The following RFTN1 variants were observed in gnomAD, a reference collection of about 807,000 sequenced individuals.
RFTN1 encodes the protein raftlin.
Under a neutral mutation model 46.5 loss-of-function variants are expected in RFTN1, and 26 were observed. The observed-to-expected ratio is 0.56, with a 90% CI of 0.41 to 0.78. RFTN1 has a LOEUF of 0.78. RFTN1 is among the 30% of genes least tolerant of loss of function. The pLI is 0.00. For missense variants in RFTN1, 693 were observed against 718.7 expected (o/e 0.96, Z 0.41); for synonymous variants, 261 against 284.2 (o/e 0.92, Z 0.82).
Position 16,383,351 on chromosome 3 carries a change from C to T in RFTN1, c.442-5249G>A, listed in dbSNP as rs1399202483. 1.3e-5 allele frequency among the ~76,000 whole-genome samples: 2 copies of T among 152,192 alleles called. No individual in the cohort carries two copies. ...AAAGAGTAACAATTTCTGGTTGAGG[C>T]ACTGAAAATTAAACATGGCTGTTTT... On this transcript the variant is annotated intron_variant, in intron 4 of 9. Coordinates refer to ENST00000334133, the MANE Select transcript of RFTN1 (RefSeq NM_015150.2). This position sits in a 1 kb window ranked among gnomAD's most constrained non-coding sequence, Gnocchi z 4.0.
At chr3:16,357,283 C>T (rs1177204836) in intron 7 of RFTN1, among the ~76,000 whole-genome samples, 2 of 152,144 alleles carry the variant, frequency 1.3e-5, no homozygotes, top group Admixed American at 6.5e-5. Flanking sequence ...TTCAGCTACC[C>T]ACTAGTGAAT....
At chr3:16,472,898 C>T (rs2076222012) in intron 2 of RFTN1, among the ~76,000 whole-genome samples, 1 of 152,162 alleles carries the variant, frequency 6.6e-6, no homozygotes, top group Admixed American at 6.5e-5. Context: ...TGGATTCTTC[C>T]AGGGGCTGGC....
intron 2 of RFTN1, among the ~76,000 whole-genome samples, chr3:16,469,627 G>A (rs1447935059): frequency 3.3e-5 from 5 of 152,244 alleles, no homozygotes; most frequent in South Asian, 2.1e-4. Flanking sequence ...TCCACAGAGG[G>A]AAGGGGGGAA....
chr3:16,326,774 TG>T lies in RFTN1; in HGVS notation c.1248del (p.Ser417AlafsTer43). On this transcript the variant is annotated frameshift_variant and splice_region_variant, in exon 8 of 10. Coordinates refer to ENST00000334133, the MANE Select transcript of RFTN1 (RefSeq NM_015150.2). LOFTEE classifies it high-confidence loss of function. ...CVLPTPVVKT[T>X]SEGSVSTKQI... ...CCTAATGATTACTGTTATTGTTACC[TG>T]GTAGTCTTGACGACGGGAGTTGGTA... The T allele has an allele frequency of 1.2e-6, 2 of 1,612,250 alleles. No homozygotes were observed. Among genetic ancestry groups the T allele is most frequent in the South Asian group, 1.1e-5 (1 of 91,030 alleles).
intron 5 of RFTN1, among the ~76,000 whole-genome samples, chr3:16,375,634 G>C (rs552784767): frequency 6.6e-6 from 1 of 152,150 alleles, no homozygotes; most frequent in South Asian, 2.1e-4. Flanking sequence ...TCAGAGATTC[G>C]CAGCCTGAGC....
At chr3:16,349,513 A>C (rs1233493952) in intron 7 of RFTN1, 2 of 152,276 alleles carry the variant, frequency 1.3e-5, no homozygotes, top group Admixed American at 1.3e-4. Context: ...CTAGAATGAG[A>C]TGAGGTATGT....
At position 16,509,988 on chromosome 3, in the gene RFTN1, T is replaced by G. The variant is rs2076870073; in HGVS notation, c.-9+3454A>C. 6.6e-6 allele frequency among the ~76,000 whole-genome samples: 1 copy of G among 152,130 alleles called. No individual in the cohort carries two copies. Among genetic ancestry groups the G allele is most frequent in the African/African-American group, 2.4e-5 (1 of 41,418 alleles). On this transcript the variant is annotated intron_variant, in intron 1 of 9. Coordinates refer to ENST00000334133, the MANE Select transcript of RFTN1 (RefSeq NM_015150.2). This position sits in a 1 kb window ranked among gnomAD's most constrained non-coding sequence, Gnocchi z 4.9. ...TGGGGTCCCACTCAGACAGAAAAGT[T>G]CACTTCCCGTTTCCTAGATCAGCCA...
rs2075014584 is a variant in RFTN1 at position 16,413,583 on chromosome 3, G to C, written c.333-4100C>G. ...ATGACTTCCACTTTTGGAAAGGACA[G>C]AGAGATCTGGTTTTAAACAGTAAGA... is the stretch of plus-strand genomic sequence containing the variant. On this transcript the variant is annotated intron_variant, in intron 3 of 9. Transcript: ENST00000334133. The surrounding 1 kb of genome is among the most constrained non-coding windows in gnomAD (Gnocchi z 4.7). 6.6e-6 allele frequency among the ~76,000 whole-genome samples: 1 copy of C among 152,358 alleles called. No individual in the cohort carries two copies. The highest frequency in any genetic ancestry group is 2.4e-5 in the African/African-American group (1 of 41,582).
In RFTN1 at chr3:16,341,275, C is replaced by T. The variant is rs2071301510; in HGVS notation, c.1147-14399G>A. On this transcript the variant is annotated intron_variant, in intron 7 of 9. Coordinates refer to ENST00000334133, the MANE Select transcript of RFTN1 (RefSeq NM_015150.2). This position sits in a 1 kb window ranked among gnomAD's most constrained non-coding sequence, Gnocchi z 4.7. ...TTCTTACAAAACTAGACATACTTTA[C>T]AATATGATCCAGCAATCATACTCCT... Among the ~76,000 whole-genome samples the T allele has an allele frequency of 6.6e-6, 1 of 152,208 alleles. No homozygotes were observed. Among genetic ancestry groups the T allele is most frequent in the Non-Finnish European group, 1.5e-5 (1 of 68,038 alleles).
rs1271622601 is a variant in RFTN1 at position 16,361,174 on chromosome 3, C to T, written c.1031-3127G>A. 6.6e-6 allele frequency among the ~76,000 whole-genome samples: 1 copy of T among 152,116 alleles called. No homozygotes were observed. Among genetic ancestry groups the T allele is most frequent in the East Asian group, 1.9e-4 (1 of 5,188 alleles). Reference sequence around the variant, plus strand: ...TATGGGGAGATGATTTTAGTGTAATCTAAATAGAAAAACTTCCCTTAGAGG... The same window carrying T: ...TATGGGGAGATGATTTTAGTGTAATTTAAATAGAAAAACTTCCCTTAGAGG... On this transcript the variant is annotated intron_variant, in intron 6 of 9. Transcript: ENST00000334133. The surrounding 1 kb of genome is among the most constrained non-coding windows in gnomAD (Gnocchi z 4.3).
rs891501830 is a variant in RFTN1 at position 16,374,447 on chromosome 3, G to C, written c.826+3271C>G. Among the ~76,000 whole-genome samples the C allele has an allele frequency of 2.0e-5, 3 of 152,206 alleles. No individual in the cohort carries two copies. Among genetic ancestry groups the C allele is most frequent in the Non-Finnish European group, 4.4e-5 (3 of 68,034 alleles). On this transcript the variant is annotated intron_variant, in intron 5 of 9. Transcript: ENST00000334133. This position sits in a 1 kb window ranked among gnomAD's most constrained non-coding sequence, Gnocchi z 5.4. ...TCCAACTATCCCAAGGGAGTTGGGA[G>C]GGAAGGAGCCCTCACATCAGGAAAG... is the stretch of plus-strand genomic sequence containing the variant.
At chr3:16,362,384 A>T (rs2072888833) in intron 6 of RFTN1, among the ~76,000 whole-genome samples, 1 of 152,178 alleles carries the variant, frequency 6.6e-6, no homozygotes, top group Non-Finnish European at 1.5e-5. Flanking sequence ...TTCATAGGTT[A>T]TCAGGGAAAA....
chr3:16,407,389 C>T lies in RFTN1; in HGVS notation c.441+1986G>A, dbSNP rs1251206612. On this transcript the variant is annotated intron_variant, in intron 4 of 9. Transcript: ENST00000334133. The surrounding 1 kb of genome is among the most constrained non-coding windows in gnomAD (Gnocchi z 4.0). ...TTTTTTTTGGCAGAGATGGAGGTCT[C>T]ACTATGTTGCCCAGTCTAATCTCAA... Among the ~76,000 whole-genome samples the T allele has an allele frequency of 6.6e-6, 1 of 151,616 alleles. No homozygotes were observed. Among genetic ancestry groups the T allele is most frequent in the Non-Finnish European group, 1.5e-5 (1 of 67,970 alleles).
chr3:16,412,274 A>G (rs2074993041), intron 3 of RFTN1, among the ~76,000 whole-genome samples: 1 of 152,242 alleles, frequency 6.6e-6, no homozygotes, highest in Admixed American at 6.5e-5. Context: ...TGAAAGGATT[A>G]TTACACTGAA....
intron 8 of RFTN1, among the ~76,000 whole-genome samples, chr3:16,324,306 C>T (rs1194347451): frequency 1.3e-5 from 2 of 152,264 alleles, no homozygotes; most frequent in East Asian, 1.9e-4. Flanking sequence ...AAAAGCTACT[C>T]TTTTAGGAAC....
chr3:16,317,111 G>T lies in RFTN1; in HGVS notation c.1454C>A (p.Ser485Tyr), dbSNP rs547118523. 8 of 1,613,788 alleles carry T rather than the reference G, an allele frequency of 5.0e-6. No homozygotes were observed. The highest frequency in any genetic ancestry group is 6.8e-6 in the Non-Finnish European group (8 of 1,180,016). ...EENEKNLEDQ[S>Y]SKAGDMGNCV... ...GTTTCCCATGTCTCCAGCTTTGGAA[G>T]ACTGGTCTTCTAAGTTCTTCTCATT... Residue 485 changes from serine (S) to tyrosine (Y), a missense_variant, in exon 10 of 10, where the codon TCT (serine) becomes TAT (tyrosine). Physicochemically the swap from Ser to Tyr is moderately radical, Grantham distance 144 (BLOSUM62 -2). Transcript: ENST00000334133. This position sits in a 1 kb window ranked among gnomAD's most constrained non-coding sequence, Gnocchi z 4.3.
rs541124499 is a variant in RFTN1 at position 16,372,827 on chromosome 3, C to T, written c.827-2548G>A. ...CAGGGGGCCAGACTGAAGCCAGAGA[C>T]AGAAATAAATTTCTCAGGAAAAGGA... On this transcript the variant is annotated intron_variant, in intron 5 of 9. Transcript: ENST00000334133. Among the ~76,000 whole-genome samples the T allele has an allele frequency of 1.6e-4, 24 of 152,286 alleles. No individual in the cohort carries two copies. In the South Asian group the frequency reaches 1.7e-3, roughly 11 times the overall value.
At chr3:16,435,386 T>C (rs2075484647) in intron 2 of RFTN1, among the ~76,000 whole-genome samples, 1 of 152,108 alleles carries the variant, frequency 6.6e-6, no homozygotes, top group Non-Finnish European at 1.5e-5. Flanking sequence ...CTGGCCAACA[T>C]GATGAAACCC....
At chr3:16,409,040 T>C (rs987966435) in intron 4 of RFTN1, among the ~76,000 whole-genome samples, 2 of 152,142 alleles carry the variant, frequency 1.3e-5, no homozygotes, top group African/African-American at 2.4e-5. Context: ...TGAAGACCCA[T>C]AGATAAAAGG....
Sources: allele counts gnomAD v4.1 joint callset (sites outside exome capture counted in the v4.1 genomes callset), GRCh38; gene constraint gnomAD v4.1.1; non-coding constraint Gnocchi (gnomAD v3.1); transcripts MANE v1.5; gene names NCBI Gene and HGNC (gene_info 2026-07-23, HGNC 2026-07-21).